MTFR1: variants seen among roughly 807,000 people sequenced by gnomAD.
The protein encoded by MTFR1 is chondrocyte protein with a poly-proline region.
Under a neutral mutation model 38.8 loss-of-function variants are expected in MTFR1, and 28 were observed. The observed-to-expected ratio is 0.72, with a 90% CI of 0.53 to 0.99. The LOEUF (loss-of-function observed/expected upper bound fraction) is 0.99. MTFR1 is among the 50% of genes least tolerant of loss of function. The pLI, the probability that MTFR1 is intolerant of heterozygous loss-of-function variation, is 0.00. For missense variants in MTFR1, 358 were observed against 395.5 expected (o/e 0.91, Z 0.81); for synonymous variants, 145 against 137.0 (o/e 1.06, Z -0.41).
intron 4 of MTFR1, among the ~76,000 whole-genome samples, chr8:65,698,732 C>CTTT (rs529069971): frequency 7.0e-6 from 1 of 143,034 alleles, no homozygotes; most frequent in African/African-American, 2.5e-5. Flanking sequence ...TTGTTCCCTT[C>CTTT]TTTTTTTTTT....
intron 3 of MTFR1, chr8:65,745,527 G>T: frequency 1.1e-6 from 1 of 941,722 alleles, no homozygotes; most frequent in South Asian, 1.3e-5. Context: ...ATTGTCTTTT[G>T]GAGATATTCC....
chr8:65,672,190 A>T (rs1302761424), intron 2 of MTFR1, among the ~76,000 whole-genome samples: 1 of 152,248 alleles, frequency 6.6e-6, no homozygotes, highest in African/African-American at 2.4e-5. Flanking sequence ...TAACTTATTG[A>T]AGCTAGCATA....
intron 3 of MTFR1, among the ~76,000 whole-genome samples, chr8:65,762,312 G>A (rs942757950): frequency 2.0e-5 from 3 of 151,966 alleles, no homozygotes; most frequent in African/African-American, 7.3e-5. Flanking sequence ...CTACATCTAC[G>A]GGACACATTT....
At chr8:65,677,899 C>T (rs1464627116) in intron 2 of MTFR1, among the ~76,000 whole-genome samples, 1 of 151,160 alleles carries the variant, frequency 6.6e-6, no homozygotes, top group East Asian at 2.0e-4. Context: ...GCCTGTAGTC[C>T]CAACTACTGG....
chr8:65,680,206 T>G (rs999235429), intron 2 of MTFR1, among the ~76,000 whole-genome samples: 1 of 152,108 alleles, frequency 6.6e-6, no homozygotes, highest in African/African-American at 2.4e-5. Flanking sequence ...CTCTGTTGCT[T>G]AGGCTGGAGT....
At chr8:65,662,906 T>TG (rs1213834745) in intron 1 of MTFR1, among the ~76,000 whole-genome samples, 6 of 141,792 alleles carry the variant, frequency 4.2e-5, no homozygotes, top group East Asian at 4.3e-4. Context: ...TGGAGGGAGG[T>TG]GGGGGGGTCA....
At chr8:65,716,148 C>CAAA (rs376045290) in intron 2 of MTFR1, among the ~76,000 whole-genome samples, 24 of 88,596 alleles carry the variant, frequency 2.7e-4, no homozygotes, top group East Asian at 2.3e-3. Flanking sequence ...GACCCTGTCT[C>CAAA]AAAAAAAAAA....
chr8:65,707,053 TCC>T lies in MTFR1; in HGVS notation c.562_563del (p.Pro188ThrfsTer21). 1 of 1,210,970 alleles carries T rather than the reference TCC, an allele frequency of 8.3e-7. No individual in the cohort carries two copies. Among genetic ancestry groups the T allele is most frequent in the Non-Finnish European group, 1.2e-6 (1 of 856,656 alleles). The allele number at this position is 1,210,970 out of a possible 1,614,324, so 75.0% of individuals were successfully genotyped here. On this transcript the variant is annotated frameshift_variant, in exon 6 of 8. Transcript: ENST00000262146. LOFTEE classifies it high-confidence loss of function. The part of the protein sequence containing the change: ...TTFGTIPPHP[P>X]PPPPPLPPPA... ...CATTTGGTACCATACCACCACACCC[TCC>T]ACCTCCCCCACCGCCCCTGCCTCCC...
chr8:65,715,208 G>GA (rs576543145), downstream of MTFR1, among the ~76,000 whole-genome samples: 337 of 151,778 alleles, frequency 2.2e-3, no homozygotes, highest in Admixed American at 4.2e-3. Flanking sequence ...AAATTTTTTA[G>GA]AAAAAAATAT....
intron 3 of MTFR1, among the ~76,000 whole-genome samples, chr8:65,744,814 A>G (rs538594119): frequency 2.0e-4 from 30 of 152,356 alleles, no homozygotes; most frequent in African/African-American, 6.7e-4. Context: ...TGATGATGAT[A>G]CTAATGATGA....
rs1355891965 is a variant in MTFR1, at chr8:65,730,185, T to C, written c.*48+10704T>C. ...GTTGCGCACTTCTTTTTTTTTTTTTTTTTTTTTTTTTTGAGATGGAGTTTC... is the reference window on the plus strand; with the variant it reads ...GTTGCGCACTTCTTTTTTTTTTTTTCTTTTTTTTTTTTGAGATGGAGTTTC... On this transcript the variant is annotated intron_variant, in intron 3 of 3. Transcript: ENST00000521247. Among the ~76,000 whole-genome samples, 9 of 135,276 alleles carry C rather than the reference T, an allele frequency of 6.7e-5. 1 individual carries two copies. The highest frequency in any genetic ancestry group is 2.6e-4 in the South Asian group (1 of 3,916). The allele number at this position is 135,276 out of a possible 152,430, so 88.7% of individuals were successfully genotyped here.
intron 4 of MTFR1, among the ~76,000 whole-genome samples, chr8:65,695,387 G>C (rs1415409106): frequency 2.6e-5 from 4 of 151,878 alleles, no homozygotes; most frequent in Admixed American, 2.6e-4. Flanking sequence ...AGCCTCACTT[G>C]GTTGCCCGAG....
At chr8:65,740,790 C>G (rs547693951) in intron 3 of MTFR1, among the ~76,000 whole-genome samples, 2 of 152,178 alleles carry the variant, frequency 1.3e-5, no homozygotes, top group African/African-American at 4.8e-5. Flanking sequence ...CACCCCACCC[C>G]ACCAATCTCT....
At chr8:65,655,969 CCATATATATAT>C (rs1809252404) in intron 1 of MTFR1, among the ~76,000 whole-genome samples, 1 of 56,482 alleles carries the variant, frequency 1.8e-5, no homozygotes, top group African/African-American at 1.0e-4. Context: ...TATATATATA[CCATATATATAT>C]ATATGGTAGT....
rs200811406 is a variant in MTFR1, at chr8:65,707,103, G to A, written c.611G>A (p.Ser204Asn). 1.6e-5 allele frequency: 23 copies of A among 1,442,546 alleles called. No individual in the cohort carries two copies. The East Asian group carries it at 6.1e-4, about 38-fold the overall frequency. 89.4% of individuals were successfully genotyped at this position (1,442,546 alleles called of 1,614,324 possible). A position where few individuals can be genotyped will look rare whatever the true frequency, so the allele number is the denominator to read the frequency against. ...LPPPALGLHQ[S>N]TSAVDLIKER... ...CCCCCTGCACTGGGGCTCCACCAAAGTACATCTGCTGTTGATCTGATTAAA... is the reference window on the plus strand; with the variant it reads ...CCCCCTGCACTGGGGCTCCACCAAAATACATCTGCTGTTGATCTGATTAAA... Residue 204 changes from serine to asparagine, a missense_variant, in exon 6 of 8, where the codon AGT becomes AAT. By Grantham distance (46) the Ser-to-Asn change is conservative. Transcript: ENST00000262146.
chr8:65,727,484 A>C, intron 3 of MTFR1: 1 of 684,848 alleles, frequency 1.5e-6, no homozygotes, highest in Non-Finnish European at 2.3e-6. Flanking sequence ...TCTCATCACC[A>C]CACTGGCAAA....
chr8:65,684,108 T>A (rs1010458707), intron 3 of MTFR1, among the ~76,000 whole-genome samples: 3 of 152,228 alleles, frequency 2.0e-5, no homozygotes, highest in African/African-American at 7.2e-5. Flanking sequence ...GTTTTCTGAT[T>A]GCAACCCCCA....
At chr8:65,662,936 A>G (rs1021792869) in intron 1 of MTFR1, among the ~76,000 whole-genome samples, 2 of 142,026 alleles carry the variant, frequency 1.4e-5, no homozygotes, top group Non-Finnish European at 3.1e-5. Flanking sequence ...CTGGCCAGCC[A>G]CCCCGTCCGG....
chr8:65,719,584 C>T (rs1201246640), intron 3 of MTFR1: 13 of 815,466 alleles, frequency 1.6e-5, no homozygotes, highest in Non-Finnish European at 6.1e-6. Context: ...CTTCCTACAT[C>T]CTACTCCAGT....
Sources: allele counts gnomAD v4.1 joint callset (sites outside exome capture counted in the v4.1 genomes callset), GRCh38; gene constraint gnomAD v4.1.1; transcripts MANE v1.5; gene names NCBI Gene and HGNC (gene_info 2026-07-23, HGNC 2026-07-21).